The following ABRACL variants were observed in gnomAD, a reference collection of about 807,000 sequenced individuals.
The protein encoded by ABRACL is ABRA C-terminal like.
A neutral mutation model predicts 7.0 loss-of-function variants in ABRACL; 4 were observed. The ratio of observed to expected loss-of-function variants is 0.57; its 90% CI spans 0.28 to 1.30. The LOEUF (loss-of-function observed/expected upper bound fraction) is 1.30. Ranked by LOEUF, ABRACL falls within the 50% of genes most tolerant of loss-of-function variation. The pLI, the probability that ABRACL is intolerant of heterozygous loss-of-function variation, is 0.10. For synonymous variants in ABRACL, 30 were observed against 36.0 expected (o/e 0.83, Z 0.60); for missense variants, 104 against 97.3 (o/e 1.07, Z -0.29).
chr6:139,029,193 A>C (rs537700974), intron 1 of ABRACL, among the ~76,000 whole-genome samples: 1 of 152,144 alleles, frequency 6.6e-6, no homozygotes, highest in Admixed American at 6.5e-5. Flanking sequence ...TCGGCTTTGC[A>C]CTTGGCGGTG....
intron 1 of ABRACL, 104 bp downstream of exon 1, chr6:139,028,979 G>A (rs143656500): frequency 0.026 from 3,947 of 152,570 alleles, 85 homozygotes; most frequent in Admixed American, 0.058. Context: ...CGGGTCAGGA[G>A]GGGGCCGGGA....
intron 1 of ABRACL, among the ~76,000 whole-genome samples, chr6:139,033,192 G>C (rs1202481816): frequency 6.6e-6 from 1 of 152,218 alleles, no homozygotes; most frequent in African/African-American, 2.4e-5. Context: ...AGATTAAAAA[G>C]TCCCACATGG....
intron 2 of ABRACL, among the ~76,000 whole-genome samples, chr6:139,039,703 T>C (rs921689681): frequency 6.6e-6 from 1 of 152,130 alleles, no homozygotes; most frequent in Non-Finnish European, 1.5e-5. Flanking sequence ...AGGAGGTACA[T>C]GCAGTGATAT....
At chr6:139,041,540 T>TTTTTTTTTC (rs34339615) in intron 2 of ABRACL, among the ~76,000 whole-genome samples, 1 of 146,594 alleles carries the variant, frequency 6.8e-6, no homozygotes, top group South Asian at 2.1e-4. Flanking sequence ...TATTTTTTTT[T>TTTTTTTTTC]AGGAGAGACA....
chr6:139,039,656 A>T (rs1294142021), intron 2 of ABRACL, among the ~76,000 whole-genome samples: 2 of 152,166 alleles, frequency 1.3e-5, no homozygotes, highest in African/African-American at 4.8e-5. Context: ...CTGTCATATC[A>T]TCTTAGGCAC....
intron 1 of ABRACL, among the ~76,000 whole-genome samples, chr6:139,029,503 A>G (rs9321695): frequency 0.96 from 146,469 of 152,100 alleles, 70,583 homozygotes; most frequent in East Asian, 1. Context: ...GGAGACAAAG[A>G]CTTCCGGGAC....
At chr6:139,041,693 C>T (rs1203600099) in intron 2 of ABRACL, among the ~76,000 whole-genome samples, 2 of 151,666 alleles carry the variant, frequency 1.3e-5, no homozygotes. Context: ...CATTTGGCAT[C>T]CAATCACATA....
chr6:139,033,830 G>T (rs1391852943), intron 1 of ABRACL, among the ~76,000 whole-genome samples: 1 of 98,472 alleles, frequency 1.0e-5, no homozygotes, highest in Non-Finnish European at 2.4e-5. Context: ...TGCCTGGCAG[G>T]ATACCATGAA....
chr6:139,036,284 C>G (rs141284955), intron 2 of ABRACL, among the ~76,000 whole-genome samples: 1,798 of 152,138 alleles, frequency 0.012, 17 homozygotes, highest in Middle Eastern at 0.017. Flanking sequence ...TTACACTGGG[C>G]TCACCCAGAT....
At chr6:139,030,150 C>T (rs1316396272) in intron 1 of ABRACL, among the ~76,000 whole-genome samples, 1 of 150,566 alleles carries the variant, frequency 6.6e-6, no homozygotes, top group Non-Finnish European at 1.5e-5. Context: ...CACCTCTCCT[C>T]ATTGTTCTTT....
chr6:139,030,373 G>A (rs577029663), intron 1 of ABRACL, among the ~76,000 whole-genome samples: 1 of 152,090 alleles, frequency 6.6e-6, no homozygotes, highest in East Asian at 1.9e-4. Context: ...GCAACACCAG[G>A]TCTTATTTCT....
chr6:139,037,737 G>A (rs1786184594), intron 2 of ABRACL, among the ~76,000 whole-genome samples: 1 of 150,118 alleles, frequency 6.7e-6, no homozygotes. Flanking sequence ...GTGAGGTCAT[G>A]TTACTCTTGG....
Position 139,041,531 on chromosome 6 carries a change from A to ATATTTTT in ABRACL, c.62-1187_62-1186insATTTTTT, listed in dbSNP as rs748288046. ...TGTGTGTGTATATATATATATATAT[A>ATATTTTT]TTTTTTTTTAGGAGAGACATGGTCT... On this transcript the variant is annotated intron_variant, in intron 2 of 2. Transcript: ENST00000367660. Among the ~76,000 whole-genome samples, 255 of 126,032 alleles carry ATATTTTT rather than the reference A, an allele frequency of 2.0e-3. 4 individuals carry two copies. The highest frequency in any genetic ancestry group is 0.017 in the South Asian group (70 of 4,032). The allele number at this position is 126,032 out of a possible 152,430, so 82.7% of individuals were successfully genotyped here.
chr6:139,032,727 G>A (rs1582898888), intron 1 of ABRACL, among the ~76,000 whole-genome samples: 1 of 152,112 alleles, frequency 6.6e-6, no homozygotes, highest in East Asian at 1.9e-4. Flanking sequence ...TATATGATTT[G>A]AAAAAATTAT....
At chr6:139,040,762 C>T (rs1786231264) in intron 2 of ABRACL, among the ~76,000 whole-genome samples, 1 of 152,174 alleles carries the variant, frequency 6.6e-6, no homozygotes, top group Non-Finnish European at 1.5e-5. Flanking sequence ...TTTTGTCCTC[C>T]TCATCTTAGA....
At position 139,042,886 on chromosome 6, in the gene ABRACL, A is replaced by C. The variant is rs1244439191; in HGVS notation, c.229A>C (p.Ile77Leu). 1.9e-6 allele frequency: 3 copies of C among 1,610,122 alleles called. No homozygotes were observed. The highest frequency in any genetic ancestry group is 2.2e-5 in the South Asian group (2 of 89,986). Residue 77 changes from isoleucine to leucine, a missense_variant, in exon 3 of 3, where the codon ATA becomes CTA. By Grantham distance (5) the Ile-to-Leu change is conservative. Transcript: ENST00000367660. ...LQGVHDDVDI[I>L]LLQD Reference sequence around the variant, plus strand: ...AGGTGTTCATGATGATGTTGACATTATATTACTGCAAGATTAATGTGGTTT... The same window carrying C: ...AGGTGTTCATGATGATGTTGACATTCTATTACTGCAAGATTAATGTGGTTT...
At chr6:139,034,353 C>T in intron 2 of ABRACL, 132 bp downstream of exon 2, 1 of 1,575,240 alleles carries the variant, frequency 6.3e-7, no homozygotes, top group Non-Finnish European at 8.6e-7. Context: ...TGCCCACAGC[C>T]CCAGGTTATA....
At position 139,033,265 on chromosome 6, in the gene ABRACL, A is replaced by T. The variant is rs574134739; in HGVS notation, c.-6-890A>T. On this transcript the variant is annotated intron_variant, in intron 1 of 2. Coordinates refer to ENST00000367660, the MANE Select transcript of ABRACL (RefSeq NM_021243.3). Reference sequence around the variant, plus strand: ...ACAGTGTGCGGGACCCAGCTCGTGGAGGACTTAGTGAACCAAGGTAAGGCT... The same window carrying T: ...ACAGTGTGCGGGACCCAGCTCGTGGTGGACTTAGTGAACCAAGGTAAGGCT... 3.9e-5 allele frequency among the ~76,000 whole-genome samples: 6 copies of T among 152,334 alleles called. No individual in the cohort carries two copies. The South Asian group carries it at 1.2e-3, about 32-fold the overall frequency.
rs770068905 is a variant in ABRACL, at chr6:139,042,946, G to T, written c.*43G>T. 6.8e-7 allele frequency: 1 copy of T among 1,479,954 alleles called. No individual in the cohort carries two copies. Among genetic ancestry groups the T allele is most frequent in the South Asian group, 1.3e-5 (1 of 75,014 alleles). The allele number at this position is 1,479,954 out of a possible 1,614,324, so 91.7% of individuals were successfully genotyped here. A position where few individuals can be genotyped will look rare whatever the true frequency, so the allele number is the denominator to read the frequency against. ...TATGTACTGCCATTTTTTGTTTCTG[G>T]TAAACTGGAATATAAAGTGAAAGAA... On this transcript the variant is annotated 3_prime_UTR_variant, in exon 3 of 3. Coordinates refer to ENST00000367660, the MANE Select transcript of ABRACL (RefSeq NM_021243.3).
Sources: allele counts gnomAD v4.1 joint callset (sites outside exome capture counted in the v4.1 genomes callset), GRCh38; gene constraint gnomAD v4.1.1; transcripts MANE v1.5; gene names NCBI Gene and HGNC (gene_info 2026-07-23, HGNC 2026-07-21).